ZMYM4: variants seen among roughly 807,000 people sequenced by gnomAD.
ZMYM4 encodes zinc finger MYM-type protein 4.
Under a neutral mutation model 183.2 loss-of-function variants are expected in ZMYM4, and 31 were observed. The observed-to-expected ratio is 0.17, with a 90% CI of 0.13 to 0.23. The LOEUF (loss-of-function observed/expected upper bound fraction) is 0.23. ZMYM4 is among the 10% of genes least tolerant of loss of function. The pLI, the probability that ZMYM4 is intolerant of heterozygous loss-of-function variation, is 1.00. For synonymous variants in ZMYM4, 592 were observed against 631.2 expected (o/e 0.94, Z 0.93); for missense variants, 1,273 against 1,840.3 (o/e 0.69, Z 5.64).
At chr1:35,359,486 A>G in intron 3 of ZMYM4, 40 bp downstream of exon 3, 1 of 1,488,870 alleles carries the variant, frequency 6.7e-7, no homozygotes, top group Non-Finnish European at 9.0e-7. Flanking sequence ...ACACAATTAA[A>G]AATTACCGAT....
chr1:35,387,047 C>G lies in ZMYM4; in HGVS notation c.1881C>G (p.Pro627=). 5 of 1,614,148 alleles carry G rather than the reference C, an allele frequency of 3.1e-6. No individual in the cohort carries two copies. The highest frequency in any genetic ancestry group is 1.3e-5 in the African/African-American group (1 of 75,038). Residue 627 remains proline (P), a synonymous_variant, in exon 12 of 30, where the codon CCC becomes CCG. Coordinates refer to ENST00000314607, the MANE Select transcript of ZMYM4 (RefSeq NM_005095.3). ...CTGGAATGAATTCTTCAGTAGTGCC[C>G]TTGTCTCAGGGCCAAGTAATTGTAA... ...KPTGMNSSVV[P]LSQGQVIVSI...
At chr1:35,323,521 T>C (rs1364291540) in intron 1 of ZMYM4, among the ~76,000 whole-genome samples, 1 of 152,040 alleles carries the variant, frequency 6.6e-6, no homozygotes, top group Non-Finnish European at 1.5e-5. Context: ...GTGACATTTT[T>C]CTTCGTTTTT....
chr1:35,412,992 G>A (rs888589685), intron 26 of ZMYM4, among the ~76,000 whole-genome samples: 4 of 151,976 alleles, frequency 2.6e-5, no homozygotes, highest in Non-Finnish European at 4.4e-5. Flanking sequence ...CTTGGATTCC[G>A]TTACTACTCA....
intron 2 of ZMYM4, among the ~76,000 whole-genome samples, chr1:35,345,819 C>T (rs764412703): frequency 3.3e-5 from 5 of 152,070 alleles, no homozygotes; most frequent in Non-Finnish European, 5.9e-5. Flanking sequence ...TGAAATTTAC[C>T]GTCTTCACCA....
chr1:35,277,870 A>C (rs767385940), intron 1 of ZMYM4, among the ~76,000 whole-genome samples: 3 of 152,146 alleles, frequency 2.0e-5, no homozygotes, highest in Non-Finnish European at 2.9e-5. Flanking sequence ...GAGTTTTACC[A>C]TATGTGATAC....
chr1:35,376,927 G>T (rs1352086495), intron 7 of ZMYM4, among the ~76,000 whole-genome samples: 1 of 151,758 alleles, frequency 6.6e-6, no homozygotes, highest in Non-Finnish European at 1.5e-5. Flanking sequence ...TCTTTTTTGA[G>T]ATGGAGTCTT....
rs1643617552 is a variant in ZMYM4 at position 35,351,831 on chromosome 1, C to T, written c.86-7094C>T. On this transcript the variant is annotated intron_variant, in intron 2 of 29. Coordinates refer to ENST00000314607, the MANE Select transcript of ZMYM4 (RefSeq NM_005095.3). ...ATAGCATAGAATTATCAGTATACTG[C>T]TAAAGCAATGACTAAGAGGGACAAA... Among the ~76,000 whole-genome samples, 4 of 152,180 alleles carry T rather than the reference C, an allele frequency of 2.6e-5. No individual in the cohort carries two copies. The South Asian group carries it at 8.3e-4, about 32-fold the overall frequency.
chr1:35,347,226 C>T (rs1012281589), intron 2 of ZMYM4, among the ~76,000 whole-genome samples: 22 of 152,302 alleles, frequency 1.4e-4, no homozygotes, highest in East Asian at 3.9e-4. Flanking sequence ...AAGCTGGTCT[C>T]GAACTCCTGA....
intron 28 of ZMYM4, among the ~76,000 whole-genome samples, chr1:35,416,209 T>G (rs557821139): frequency 6.6e-6 from 1 of 152,344 alleles, no homozygotes; most frequent in South Asian, 2.1e-4. Context: ...AGTGACAATT[T>G]TATTAGAAGG....
chr1:35,412,497 G>C (rs949233680), intron 26 of ZMYM4, among the ~76,000 whole-genome samples: 2 of 152,084 alleles, frequency 1.3e-5, no homozygotes, highest in African/African-American at 2.4e-5. Flanking sequence ...AGGGGGAAGA[G>C]ACTTTTTTTA....
intron 1 of ZMYM4, among the ~76,000 whole-genome samples, chr1:35,313,935 C>A (rs1641919258): frequency 6.6e-6 from 1 of 152,116 alleles, no homozygotes; most frequent in Non-Finnish European, 1.5e-5. Context: ...AGCCTAGCAA[C>A]CATTTGCTGA....
intron 1 of ZMYM4, among the ~76,000 whole-genome samples, chr1:35,319,944 T>G (rs1642213912): frequency 6.6e-6 from 1 of 152,216 alleles, no homozygotes; most frequent in Non-Finnish European, 1.5e-5. Context: ...ATAGAAATGA[T>G]TCTTTTATTT....
chr1:35,308,974 C>T, intron 1 of ZMYM4: 1 of 985,256 alleles, frequency 1.0e-6, no homozygotes, highest in Non-Finnish European at 1.2e-6. Context: ...AGCAGACAGC[C>T]TTGTTTGAAA....
At chr1:35,398,792 A>G (rs564781196) in intron 21 of ZMYM4, 72 bp from the exon 22 acceptor site, 3 of 1,529,062 alleles carry the variant, frequency 2.0e-6, no homozygotes, top group Non-Finnish European at 2.7e-6. Flanking sequence ...TTAGGGGTTC[A>G]GGAAGTTTTC....
At chr1:35,361,986 C>T (rs998810705) in intron 5 of ZMYM4, among the ~76,000 whole-genome samples, 197 bp downstream of exon 5, 3 of 152,292 alleles carry the variant, frequency 2.0e-5, no homozygotes, top group South Asian at 2.1e-4. Flanking sequence ...GTAATTAAGG[C>T]TTTTAATCAT....
chr1:35,374,385 A>G (rs1396726624), intron 7 of ZMYM4, among the ~76,000 whole-genome samples: 1 of 152,016 alleles, frequency 6.6e-6, no homozygotes, highest in Non-Finnish European at 1.5e-5. Flanking sequence ...TAATTTTTAT[A>G]GTTTTTTTTC....
rs1644179599 is a variant in ZMYM4, at chr1:35,370,365, T to TTTA, written c.926-6_926-4dup. 5.6e-6 allele frequency: 8 copies of TTTA among 1,432,200 alleles called. No homozygotes were observed. The highest frequency in any genetic ancestry group is 7.3e-6 in the Non-Finnish European group (8 of 1,092,700). 88.7% of individuals were successfully genotyped at this position (1,432,200 alleles called of 1,614,324 possible). ...TTTTTTTTTTTTTTTTTTTTTTTTT[T>TTTA]TTAAAGCTCCACAGTTGACTACTGG... On this transcript the variant is annotated splice_region_variant and splice_polypyrimidine_tract_variant and intron_variant, in intron 6 of 29. Transcript: ENST00000314607.
At chr1:35,373,536 C>G (rs896775197) in intron 7 of ZMYM4, among the ~76,000 whole-genome samples, 16 of 148,156 alleles carry the variant, frequency 1.1e-4, no homozygotes, top group African/African-American at 5.0e-5. Context: ...CGCCACCATG[C>G]ACAGCTAATT....
chr1:35,285,218 A>G (rs907605699), intron 1 of ZMYM4, among the ~76,000 whole-genome samples: 1 of 152,088 alleles, frequency 6.6e-6, no homozygotes, highest in Non-Finnish European at 1.5e-5. Flanking sequence ...AAAAAGAGTT[A>G]TTAGGATTTT....
Sources: allele counts gnomAD v4.1 joint callset (sites outside exome capture counted in the v4.1 genomes callset), GRCh38; gene constraint gnomAD v4.1.1; transcripts MANE v1.5; gene names NCBI Gene and HGNC (gene_info 2026-07-23, HGNC 2026-07-21).